Variants in CHLSN observed in about 807,000 individuals in gnomAD.
CHLSN encodes protein cholesin.
chr7:1,051,144 C>T, the CHLSN span, among the ~76,000 whole-genome samples: 6 of 152,336 alleles, frequency 3.9e-5, no homozygotes, highest in African/African-American at 7.2e-5. Context: ...CTACAAGCAG[C>T]GTGTGGGCAG....
chr7:1,018,477 G>A, the CHLSN span, among the ~76,000 whole-genome samples: 7 of 151,962 alleles, frequency 4.6e-5, no homozygotes, highest in Non-Finnish European at 8.8e-5. Flanking sequence ...AGGGAGTCGT[G>A]ATGGGCACAC....
At chr7:1,062,399 C>T in the CHLSN span, among the ~76,000 whole-genome samples, 2 of 152,176 alleles carry the variant, frequency 1.3e-5, no homozygotes. Flanking sequence ...TTAATACTTT[C>T]GGTTACCCCT....
the CHLSN span, chr7:1,092,959 A>C: frequency 8.8e-7 from 1 of 1,142,512 alleles, no homozygotes. Flanking sequence ...CTGCGGTCAG[A>C]TGTGGCTTCT....
the CHLSN span, among the ~76,000 whole-genome samples, chr7:1,008,768 ACACACACG>A: frequency 2.0e-4 from 30 of 151,802 alleles, no homozygotes; most frequent in South Asian, 4.2e-4. Flanking sequence ...ACGTGCATAA[ACACACACG>A]CACACACGCA....
chr7:1,011,749 A>C, the CHLSN span, among the ~76,000 whole-genome samples: 1 of 151,470 alleles, frequency 6.6e-6, no homozygotes, highest in African/African-American at 2.4e-5. Flanking sequence ...AACACCATAC[A>C]CACACGCCAA....
At chr7:1,041,605 G>A in the CHLSN span, among the ~76,000 whole-genome samples, 1 of 152,168 alleles carries the variant, frequency 6.6e-6, no homozygotes, top group Non-Finnish European at 1.5e-5. Context: ...CATCTGTAAC[G>A]TCAGGGTGCG....
the CHLSN span, among the ~76,000 whole-genome samples, chr7:1,085,068 C>T: frequency 1.3e-5 from 2 of 152,224 alleles, no homozygotes; most frequent in Admixed American, 1.3e-4. Context: ...GGGTCAAAGG[C>T]GAGGGCCAAG....
chr7:1,074,971 G>A, the CHLSN span, among the ~76,000 whole-genome samples: 1 of 152,222 alleles, frequency 6.6e-6, no homozygotes, highest in Non-Finnish European at 1.5e-5. Flanking sequence ...TGTGGTGAGC[G>A]GGAGGACGTG....
the CHLSN span, chr7:988,896 A>C: frequency 2.0e-5 from 16 of 819,646 alleles, no homozygotes; most frequent in African/African-American, 9.4e-5. Context: ...CTCTCCTCCC[A>C]CCCCACAGCT....
chr7:1,112,704 C>T, the CHLSN span, among the ~76,000 whole-genome samples: 1 of 134,490 alleles, frequency 7.4e-6, no homozygotes, highest in East Asian at 2.4e-4. Context: ...ATCCAAATGG[C>T]TAAAAAAAAA....
At chr7:1,016,792 G>GCAGCGCACGCCAGCGCACAGCAGCGCA in the CHLSN span, among the ~76,000 whole-genome samples, 2 of 67,890 alleles carry the variant, frequency 2.9e-5, no homozygotes, top group African/African-American at 1.9e-4. Context: ...ACAGCACACA[G>GCAGCGCACGCCAGCGCACAGCAGCGCA]CAGCACACAG....
the CHLSN span, among the ~76,000 whole-genome samples, chr7:1,003,702 G>T: frequency 1.1e-5 from 1 of 88,268 alleles, no homozygotes; most frequent in South Asian, 5.2e-4. Context: ...CTGTGGGTGA[G>T]TGGAGTCCTG....
the CHLSN span, among the ~76,000 whole-genome samples, chr7:1,121,778 CCTT>C: frequency 3.3e-5 from 5 of 152,244 alleles, no homozygotes; most frequent in African/African-American, 9.6e-5. Flanking sequence ...GCCCACGAAG[CCTT>C]CTGTGGCCAC....
the CHLSN span, among the ~76,000 whole-genome samples, chr7:1,033,506 C>T: frequency 2.0e-5 from 3 of 151,356 alleles, no homozygotes; most frequent in East Asian, 1.9e-4. Context: ...TGCAGTGAGC[C>T]GAGATCACGC....
chr7:1,053,549 T>C, the CHLSN span, among the ~76,000 whole-genome samples: 2 of 152,194 alleles, frequency 1.3e-5, no homozygotes, highest in African/African-American at 4.8e-5. Flanking sequence ...TACACCTCGC[T>C]GGGCATGGTG....
the CHLSN span, among the ~76,000 whole-genome samples, chr7:1,065,528 C>G: frequency 0.11 from 16,571 of 152,292 alleles, 1,198 homozygotes; most frequent in Middle Eastern, 0.25. Flanking sequence ...GTGAACCTCA[C>G]AAAACATGCA....
At chr7:1,126,428 C>T in the CHLSN span, among the ~76,000 whole-genome samples, 1 of 150,326 alleles carries the variant, frequency 6.7e-6, no homozygotes, top group Non-Finnish European at 1.5e-5. Flanking sequence ...CCTGTAATTC[C>T]AGCATATTGG....
At chr7:1,025,714 C>A in the CHLSN span, 1 of 152,260 alleles carries the variant, frequency 6.6e-6, no homozygotes, top group African/African-American at 2.4e-5. Context: ...GTAGAGGTTG[C>A]GTGGCTCCCC....
At chr7:1,069,191 C>T in the CHLSN span, among the ~76,000 whole-genome samples, 10 of 152,126 alleles carry the variant, frequency 6.6e-5, no homozygotes, top group Non-Finnish European at 1.2e-4. Flanking sequence ...ATTAGCTGGG[C>T]GTGGTGGCAC....
Sources: allele counts gnomAD v4.1 joint callset (sites outside exome capture counted in the v4.1 genomes callset), GRCh38; gene constraint gnomAD v4.1.1; transcripts MANE v1.5; gene names NCBI Gene and HGNC (gene_info 2026-07-23, HGNC 2026-07-21).